The following PCDHGB5 variants were observed in gnomAD, a reference collection of about 807,000 sequenced individuals.
PCDHGB5 encodes protocadherin gamma-B5.
Under a neutral mutation model 62.9 loss-of-function variants are expected in PCDHGB5, and 48 were observed. The observed-to-expected ratio is 0.76, with a 90% confidence interval of 0.61 to 0.97. The LOEUF (loss-of-function observed/expected upper bound fraction) is 0.97, where lower values mean the gene tolerates loss of function less well. Ranked by LOEUF, PCDHGB5 falls within the 50% of genes least tolerant of loss-of-function variation. The probability of loss-of-function intolerance (pLI) is 0.00; values close to 1 mark genes in which losing one functional copy is unlikely to be tolerated. For missense variants in PCDHGB5, 1,118 were observed against 1,198.6 expected (o/e 0.93, Z 0.99); for synonymous variants, 474 against 511.2 (o/e 0.93, Z 0.98).
At chr5:141,465,457 C>G (rs956070103) in intron 1 of PCDHGB5, among the ~76,000 whole-genome samples, 1 of 152,214 alleles carries the variant, frequency 6.6e-6, no homozygotes, top group Non-Finnish European at 1.5e-5. Context: ...AAAACTCTCA[C>G]CAAATTGCCC....
At chr5:141,428,333 T>A in intron 1 of PCDHGB5, 1 of 618,518 alleles carries the variant, frequency 1.6e-6, no homozygotes, top group Non-Finnish European at 2.9e-6. Context: ...ATTTCTATGC[T>A]CTTCTTCCTC....
intron 1 of PCDHGB5, among the ~76,000 whole-genome samples, chr5:141,420,868 G>C (rs1479734969): frequency 6.6e-6 from 1 of 152,222 alleles, no homozygotes; most frequent in Non-Finnish European, 1.5e-5. Context: ...GTCACATAAT[G>C]TAAGTATTGT....
At position 141,454,796 on chromosome 5, in the gene PCDHGB5, A is replaced by ATTTTT. The variant is rs61612330; in HGVS notation, c.2398-39986_2398-39982dup. ...AAGGAAATAATCCTCCATGGTTCTA[A>ATTTTT]TTTTTTTTTTTTTTTTTTTTTTTTT... On this transcript the variant is annotated intron_variant, in intron 1 of 3. Coordinates refer to ENST00000617380, the MANE Select transcript of PCDHGB5 (RefSeq NM_018925.3). 4.5e-3 allele frequency among the ~76,000 whole-genome samples: 350 copies of ATTTTT among 77,444 alleles called. 39 individuals are homozygous for ATTTTT. The highest frequency in any genetic ancestry group is 0.016 in the African/African-American group (266 of 16,872). The allele number at this position is 77,444 out of a possible 152,430, so 50.8% of individuals were successfully genotyped here.
intron 1 of PCDHGB5, among the ~76,000 whole-genome samples, chr5:141,463,124 T>C (rs2099053100): frequency 6.6e-6 from 1 of 152,174 alleles, no homozygotes; most frequent in African/African-American, 2.4e-5. Context: ...AATAGCTCCC[T>C]GGCAGTTCTT....
chr5:141,466,115 C>A (rs2099117208), intron 1 of PCDHGB5, among the ~76,000 whole-genome samples: 1 of 151,618 alleles, frequency 6.6e-6, no homozygotes, highest in African/African-American at 2.4e-5. Context: ...GAGTGAGACT[C>A]CAGCTCAAAA....
chr5:141,423,996 A>G (rs1164307988), intron 1 of PCDHGB5: 1 of 1,079,028 alleles, frequency 9.3e-7, no homozygotes, highest in African/African-American at 1.7e-5. Context: ...AATTTATTAT[A>G]TATAGATACA....
chr5:141,491,938 C>A lies in PCDHGB5; in HGVS notation c.2398-2869C>A, dbSNP rs1207647899. Reference sequence around the variant, plus strand: ...TGTGGGCGAGGGGAGGTGGGACCGACCCCCACCCCTACACTCAAAAAAGGC... The same window carrying A: ...TGTGGGCGAGGGGAGGTGGGACCGAACCCCACCCCTACACTCAAAAAAGGC... On this transcript the variant is annotated intron_variant, in intron 1 of 3. Transcript: ENST00000617380. This position sits in a 1 kb window ranked among gnomAD's most constrained non-coding sequence, Gnocchi z 6.9. 1.7e-6 allele frequency: 2 copies of A among 1,199,072 alleles called. No homozygotes were observed. The highest frequency in any genetic ancestry group is 3.1e-5 in the Admixed American group (1 of 32,246). The allele number at this position is 1,199,072 out of a possible 1,614,324, so 74.3% of individuals were successfully genotyped here. A position where few individuals can be genotyped will look rare whatever the true frequency, so the allele number is the denominator to read the frequency against.
chr5:141,416,120 A>C (rs2095996372), intron 1 of PCDHGB5: 1 of 155,288 alleles, frequency 6.4e-6, no homozygotes, highest in African/African-American at 2.4e-5. Context: ...ACTACATTTT[A>C]TATATTTTTC....
chr5:141,497,191 A>G (rs2099774633), intron 2 of PCDHGB5, among the ~76,000 whole-genome samples: 1 of 126,864 alleles, frequency 7.9e-6, no homozygotes, highest in Admixed American at 8.3e-5. Context: ...TGAGAGGCAG[A>G]GAACAATGTG....
At chr5:141,504,429 G>T (rs947508365) in intron 2 of PCDHGB5, among the ~76,000 whole-genome samples, 1 of 152,124 alleles carries the variant, frequency 6.6e-6, no homozygotes, top group Non-Finnish European at 1.5e-5. Context: ...CACTACAACA[G>T]CTGCAGTGTG....
In PCDHGB5 at chr5:141,405,069, C is replaced by T. The variant is rs200974828; in HGVS notation, c.2397+4545C>T. On this transcript the variant is annotated intron_variant, in intron 1 of 3. Coordinates refer to ENST00000617380, the MANE Select transcript of PCDHGB5 (RefSeq NM_018925.3). ...GCAGTCGTCTCCTGTGTCTTCCTCA[C>T]CTTCGTTATCACGCTGCTGGCCCTC... is the stretch of plus-strand genomic sequence containing the variant. 1.3e-4 allele frequency: 215 copies of T among 1,613,758 alleles called. No individual in the cohort carries two copies. The highest frequency in any genetic ancestry group is 1.7e-4 in the Non-Finnish European group (203 of 1,179,762).
Position 141,432,267 on chromosome 5 carries a change from C to T in PCDHGB5, c.2397+31743C>T, listed in dbSNP as rs746089276. 4.3e-6 allele frequency: 7 copies of T among 1,614,244 alleles called. No homozygotes were observed. On this transcript the variant is annotated intron_variant, in intron 1 of 3. Transcript: ENST00000617380. The surrounding 1 kb of genome is among the most constrained non-coding windows in gnomAD (Gnocchi z 6.0). ...ACCATCCAAGGGGCAAGCCTATCGT[C>T]CTACGTGTCCATCAACTCCGACACT...
At chr5:141,478,247 G>C (rs1377698933) in intron 1 of PCDHGB5, 1 of 1,613,956 alleles carries the variant, frequency 6.2e-7, no homozygotes, top group Non-Finnish European at 8.5e-7. Context: ...CACAGTGTTC[G>C]GAGTAATCAT....
intron 1 of PCDHGB5, among the ~76,000 whole-genome samples, chr5:141,482,412 T>C (rs2099559037): frequency 6.6e-6 from 1 of 151,636 alleles, no homozygotes; most frequent in Non-Finnish European, 1.5e-5. Context: ...TAACTATTTG[T>C]TGAACTAAAA....
At chr5:141,418,423 T>G (rs1469880702) in intron 1 of PCDHGB5, 1 of 1,613,868 alleles carries the variant, frequency 6.2e-7, no homozygotes. Flanking sequence ...ATCCTGATGG[T>G]GGCAAATATC....
At chr5:141,425,805 C>T (rs1419480761) in intron 1 of PCDHGB5, among the ~76,000 whole-genome samples, 1 of 152,158 alleles carries the variant, frequency 6.6e-6, no homozygotes, top group African/African-American at 2.4e-5. Context: ...TGCATTGCTT[C>T]TGCTTAGAAA....
chr5:141,500,460 C>T (rs1421637554), intron 2 of PCDHGB5, among the ~76,000 whole-genome samples: 2 of 152,234 alleles, frequency 1.3e-5, no homozygotes, highest in South Asian at 2.1e-4. Context: ...CCGCCCGCCT[C>T]GGCCTCCCAA....
At chr5:141,403,524 A>T in intron 1 of PCDHGB5, 1 of 1,613,890 alleles carries the variant, frequency 6.2e-7, no homozygotes. Context: ...GGAGCCATAA[A>T]CCCAGAGCTG....
Position 141,431,953 on chromosome 5 carries a change from C to G in PCDHGB5, c.2397+31429C>G. 1.2e-6 allele frequency: 2 copies of G among 1,614,082 alleles called. No individual in the cohort carries two copies. Among genetic ancestry groups the G allele is most frequent in the East Asian group, 4.5e-5 (2 of 44,886 alleles). ...TGCCCTTTAAATTAGAAAAATCTTA[C>G]GGAAATTACTATAGTTTAGTCACAG... On this transcript the variant is annotated intron_variant, in intron 1 of 3. Transcript: ENST00000617380. The surrounding 1 kb of genome is among the most constrained non-coding windows in gnomAD (Gnocchi z 4.8).
Sources: gnomAD v4.1 joint callset for allele counts (sites outside exome capture counted in the v4.1 genomes callset) on GRCh38, gnomAD v4.1.1 for gene constraint, Gnocchi (gnomAD v3.1) non-coding constraint, MANE v1.5 for transcripts, NCBI Gene and HGNC (gene_info 2026-07-23, HGNC 2026-07-21) for gene names.